ASIP: variants seen among roughly 807,000 people sequenced by gnomAD.
The protein encoded by ASIP is agouti-signaling protein.
A neutral mutation model predicts 10.3 loss-of-function variants in ASIP; 11 were observed. The observed-to-expected ratio is 1.07, with a 90% confidence interval of 0.68 to 1.78. The LOEUF (loss-of-function observed/expected upper bound fraction) is 1.78, where lower values mean the gene tolerates loss of function less well. Ranked by LOEUF, ASIP falls within the 40% of genes most tolerant of loss-of-function variation. ASIP has a pLI of 0.00. For synonymous variants in ASIP, 70 were observed against 70.8 expected, an observed-to-expected ratio of 0.99 and a Z score of 0.06; for missense variants, 180 against 169.2, an observed-to-expected ratio of 1.06 and a Z score of -0.35.
intron 3 of ASIP, 144 bp from the exon 4 acceptor site, chr20:34,268,846 TG>T (rs1427063179): frequency 1.4e-5 from 14 of 971,016 alleles, no homozygotes; most frequent in African/African-American, 5.1e-5. Flanking sequence ...GGAATCTGAC[TG>T]GGGGAGCGGG....
At chr20:34,193,305 C>A (rs975810379), upstream of ASIP, among the ~76,000 whole-genome samples, 2 of 152,142 alleles carry the variant, frequency 1.3e-5, no homozygotes, top group South Asian at 2.1e-4. Context: ...CCCTGACATT[C>A]GAGTCATTGA....
intron 1 of ASIP, among the ~76,000 whole-genome samples, chr20:34,202,537 C>A (rs2034906390): frequency 6.6e-6 from 1 of 152,090 alleles, no homozygotes; most frequent in Admixed American, 6.6e-5. Flanking sequence ...GGTCAAGTTT[C>A]CCTTTTTTTT....
At chr20:34,213,500 A>G in intron 1 of ASIP, 4 of 1,439,468 alleles carry the variant, frequency 2.8e-6, no homozygotes, top group Non-Finnish European at 3.8e-6. Flanking sequence ...TCTGTCTCTA[A>G]AGCAGCAGAC....
At chr20:34,191,301 G>T (rs570990886), upstream of ASIP, among the ~76,000 whole-genome samples, 1 of 152,288 alleles carries the variant, frequency 6.6e-6, no homozygotes, top group South Asian at 2.1e-4. Context: ...TTAGATGAGG[G>T]TGCCTGTCAC....
chr20:34,213,513 G>C (rs571791827), intron 1 of ASIP: 1 of 1,479,556 alleles, frequency 6.8e-7, no homozygotes, highest in South Asian at 1.3e-5. Context: ...CAGCAGACTG[G>C]TCATTTTCTT....
At chr20:34,246,219 T>G in intron 1 of ASIP, 1 of 1,485,452 alleles carries the variant, frequency 6.7e-7, no homozygotes. Flanking sequence ...GGTATGGTCT[T>G]CTTTTTTTGT....
intron 1 of ASIP, among the ~76,000 whole-genome samples, chr20:34,201,524 T>A (rs2034899776): frequency 6.6e-6 from 1 of 152,164 alleles, no homozygotes; most frequent in Non-Finnish European, 1.5e-5. Flanking sequence ...ATACAAACAT[T>A]TGATGTAATA....
intron 1 of ASIP, among the ~76,000 whole-genome samples, chr20:34,206,179 T>G (rs2034935410): frequency 6.6e-6 from 1 of 152,094 alleles, no homozygotes; most frequent in Non-Finnish European, 1.5e-5. Flanking sequence ...GTATTTTTAG[T>G]AGAGACGGGG....
chr20:34,213,107 G>A (rs933560957), intron 1 of ASIP, among the ~76,000 whole-genome samples: 8 of 152,146 alleles, frequency 5.3e-5, no homozygotes, highest in Non-Finnish European at 8.8e-5. Context: ...AGGACTCCAC[G>A]CTTGTGAATA....
chr20:34,220,403 C>T (rs901186477), intron 1 of ASIP, among the ~76,000 whole-genome samples: 6 of 152,090 alleles, frequency 3.9e-5, no homozygotes, highest in African/African-American at 1.4e-4. Flanking sequence ...TCAAGACCAG[C>T]CTGGGCAACA....
intron 1 of ASIP, among the ~76,000 whole-genome samples, chr20:34,199,747 C>G (rs546874072): frequency 1.7e-4 from 26 of 152,240 alleles, no homozygotes; most frequent in Non-Finnish European, 3.7e-4. Context: ...TCATCTCCCA[C>G]AAGGCTATGT....
At chr20:34,250,573 G>A (rs1467341246) in intron 1 of ASIP, among the ~76,000 whole-genome samples, 12 of 152,054 alleles carry the variant, frequency 7.9e-5, no homozygotes, top group Non-Finnish European at 1.0e-4. Flanking sequence ...TGAGGCGGGC[G>A]GATCACCTGA....
intron 1 of ASIP, among the ~76,000 whole-genome samples, chr20:34,222,791 G>A (rs1256404316): frequency 2.6e-5 from 4 of 151,956 alleles, no homozygotes; most frequent in South Asian, 2.1e-4. Context: ...GGCACGCGCC[G>A]CCACGCCTGA....
chr20:34,256,176 G>A (rs940637815), intron 1 of ASIP, among the ~76,000 whole-genome samples: 3 of 152,230 alleles, frequency 2.0e-5, no homozygotes, highest in Admixed American at 6.5e-5. Flanking sequence ...TGCCAAACAG[G>A]GAAGGGCCTC....
At chr20:34,205,776 T>C (rs2034932417) in intron 1 of ASIP, among the ~76,000 whole-genome samples, 1 of 146,014 alleles carries the variant, frequency 6.8e-6, no homozygotes, top group South Asian at 2.1e-4. Flanking sequence ...TACAATACTT[T>C]AGCTAGACAA....
intron 3 of ASIP, among the ~76,000 whole-genome samples, chr20:34,265,759 G>C (rs1487813554): frequency 6.6e-6 from 1 of 151,726 alleles, no homozygotes; most frequent in Non-Finnish European, 1.5e-5. Context: ...AGACCAGTCT[G>C]ACCAACATGG....
chr20:34,214,525 A>T, intron 1 of ASIP: 1 of 1,504,132 alleles, frequency 6.6e-7, no homozygotes, highest in Non-Finnish European at 9.3e-7. Context: ...TCTTATTGCT[A>T]CTTCAACTTC....
chr20:34,242,383 C>A (rs2035297338), intron 1 of ASIP, among the ~76,000 whole-genome samples: 1 of 152,136 alleles, frequency 6.6e-6, no homozygotes, highest in Non-Finnish European at 1.5e-5. Context: ...CAGGCACACA[C>A]CACCACGCCT....
At chr20:34,217,355 T>A (rs1269783158) in intron 1 of ASIP, among the ~76,000 whole-genome samples, 2 of 151,288 alleles carry the variant, frequency 1.3e-5, no homozygotes, top group Non-Finnish European at 2.9e-5. Context: ...GGAGAATCGC[T>A]TGAACCTGGG....
Sources: allele counts gnomAD v4.1 joint callset (sites outside exome capture counted in the v4.1 genomes callset), GRCh38; gene constraint gnomAD v4.1.1; transcripts MANE v1.5; gene names NCBI Gene and HGNC (gene_info 2026-07-23, HGNC 2026-07-21).